The following SPPL2B variants were observed in gnomAD, a reference collection of about 807,000 sequenced individuals.
SPPL2B encodes the protein signal peptide peptidase like 2B.
A neutral mutation model predicts 59.7 loss-of-function variants in SPPL2B; 39 were observed. The ratio of observed to expected loss-of-function variants is 0.65; its 90% CI spans 0.51 to 0.85. The LOEUF (loss-of-function observed/expected upper bound fraction) is 0.85, where lower values mean the gene tolerates loss of function less well. SPPL2B is among the 40% of genes least tolerant of loss of function. The probability of loss-of-function intolerance (pLI) is 0.00; values close to 1 mark genes in which losing one functional copy is unlikely to be tolerated. For missense variants in SPPL2B, 865 were observed against 849.0 expected (o/e 1.02, Z -0.23); for synonymous variants, 419 against 370.8 (o/e 1.13, Z -1.49).
In SPPL2B at chr19:2,343,335, G is replaced by A. The variant is rs746236854; in HGVS notation, c.1038+43G>A. ...ACGGCTGCGGGGCAGCATGGGTAGT[G>A]GGGGCCCTTCATCCTAGCCTGGCCC... On this transcript the variant is annotated intron_variant, in intron 9 of 14. Coordinates refer to ENST00000613503, the MANE Select transcript of SPPL2B (RefSeq NM_152988.3). The A allele has an allele frequency of 2.6e-5, 38 of 1,481,706 alleles. 1 individual carries two copies. In the South Asian group the frequency reaches 4.4e-4, roughly 17 times the overall value. The allele number at this position is 1,481,706 out of a possible 1,614,324, so 91.8% of individuals were successfully genotyped here.
intron 7 of SPPL2B, 132 bp from the exon 8 acceptor site, chr19:2,340,766 G>A: frequency 3.3e-6 from 2 of 610,678 alleles, no homozygotes; most frequent in East Asian, 5.5e-5. Flanking sequence ...TGTGGGATGT[G>A]GAGTTTAATG....
At position 2,339,658 on chromosome 19, in the gene SPPL2B, TCC is replaced by T. The variant is rs1968892197; in HGVS notation, c.600-165_600-164del. 17 of 737,706 alleles carry T rather than the reference TCC, an allele frequency of 2.3e-5. No homozygotes were observed. The Middle Eastern group carries it at 1.4e-3, about 61-fold the overall frequency. 45.7% of individuals were successfully genotyped at this position (737,706 alleles called of 1,614,324 possible). On this transcript the variant is annotated intron_variant, in intron 5 of 14. Transcript: ENST00000613503. ...CCCTGCCACCCTCTGCTGTGTGGTC[TCC>T]TCTGCCCTGGGGACGTTCGGGGCGG...
chr19:2,334,244 G>A (rs890092370), intron 1 of SPPL2B, among the ~76,000 whole-genome samples: 1 of 152,228 alleles, frequency 6.6e-6, no homozygotes, highest in Non-Finnish European at 1.5e-5. Flanking sequence ...TCTGCCCGTG[G>A]CTCTGCCCGT....
intron 11 of SPPL2B, 28 bp from the exon 12 acceptor site, chr19:2,344,525 G>A: frequency 6.3e-7 from 1 of 1,599,872 alleles, no homozygotes; most frequent in East Asian, 2.2e-5. Context: ...GGGTCCTGGA[G>A]GACATTGTCC....
rs1427537459 is a variant in SPPL2B, at chr19:2,353,330, C to A, written c.*121C>A. The A allele has an allele frequency of 8.2e-6, 10 of 1,220,210 alleles. No individual in the cohort carries two copies. The Admixed American group carries it at 2.5e-4, about 31-fold the overall frequency. The allele number at this position is 1,220,210 out of a possible 1,614,324, so 75.6% of individuals were successfully genotyped here. A position where few individuals can be genotyped will look rare whatever the true frequency, so the allele number is the denominator to read the frequency against. ...GGGACCGAGGCCTGTGCCGTCCCCACCCGCCCCAACATGGTGCTCATCCTT... is the reference window on the plus strand; with the variant it reads ...GGGACCGAGGCCTGTGCCGTCCCCAACCGCCCCAACATGGTGCTCATCCTT... On this transcript the variant is annotated 3_prime_UTR_variant, in exon 15 of 15. Transcript: ENST00000613503.
rs369211000 is a variant in SPPL2B at position 2,337,487 on chromosome 19, C to T, written c.231C>T (p.Ser77=). 1.4e-4 allele frequency: 218 copies of T among 1,612,834 alleles called. No individual in the cohort carries two copies. The highest frequency in any genetic ancestry group is 4.9e-4 in the Middle Eastern group (3 of 6,082). The change falls in exon 3 of 15, where the codon TCC becomes TCT. Residue 77 remains serine, a synonymous_variant. Transcript: ENST00000613503. ...LRNWTASLLC[S]AADLPARGFS... The stretch of plus-strand genomic sequence containing the variant: ...ACTGGACGGCCTCCCTGCTCTGCTC[C>T]GCAGCCGACCTCCCCGCCCGTGGCT...
At chr19:2,347,761 C>A (rs77779573) in intron 13 of SPPL2B, among the ~76,000 whole-genome samples, 2,942 of 19,944 alleles carry the variant, frequency 0.15, 869 homozygotes, top group Non-Finnish European at 0.24. Context: ...CGTTCTCTCT[C>A]CACACACACA....
intron 14 of SPPL2B, 36 bp downstream of exon 14, chr19:2,351,630 C>A: frequency 6.3e-7 from 1 of 1,583,370 alleles, no homozygotes; most frequent in Non-Finnish European, 8.6e-7. Context: ...GAGAAATACT[C>A]GCCTAGTGAG....
Position 2,339,857 on chromosome 19 carries a change from C to T in SPPL2B, c.633C>T (p.Pro211=), listed in dbSNP as rs116249467. 20,279 of 1,605,064 alleles carry T rather than the reference C, an allele frequency of 0.013. 188 individuals carry two copies. The highest frequency in any genetic ancestry group is 0.047 in the Middle Eastern group (287 of 6,052). Residue 211 remains proline, a synonymous_variant, in exon 6 of 15, where the codon CCC becomes CCT. Transcript: ENST00000613503. The part of the protein sequence containing the change: ...RYMKHKRDDG[P]EKQEDEAVDV... Reference sequence around the variant, plus strand: ...TGAAGCACAAGCGCGACGATGGGCCCGAGAAGCAGGAGGACGAGGCGGTGG... The same window carrying T: ...TGAAGCACAAGCGCGACGATGGGCCTGAGAAGCAGGAGGACGAGGCGGTGG...
rs1482922705 is a variant in SPPL2B, at chr19:2,344,662, C to T, written c.1276+10C>T. 3 of 1,576,940 alleles carry T rather than the reference C, an allele frequency of 1.9e-6. No homozygotes were observed. The highest frequency in any genetic ancestry group is 1.1e-5 in the South Asian group (1 of 89,800). Reference sequence around the variant, plus strand: ...GACATTTTGGTGCCAGGTACTGAGGCGGGTGGAGCACACGGGTCCACGCTG... The same window carrying T: ...GACATTTTGGTGCCAGGTACTGAGGTGGGTGGAGCACACGGGTCCACGCTG... On this transcript the variant is annotated intron_variant, in intron 12 of 14. Coordinates refer to ENST00000613503, the MANE Select transcript of SPPL2B (RefSeq NM_152988.3).
At position 2,353,027 on chromosome 19, in the gene SPPL2B, C is replaced by T. The variant is rs1172795412; in HGVS notation, c.1597C>T (p.Pro533Ser). 1 of 1,612,020 alleles carries T rather than the reference C, an allele frequency of 6.2e-7. No homozygotes were observed. The highest frequency in any genetic ancestry group is 8.5e-7 in the Non-Finnish European group (1 of 1,179,694). ...CAAAGACTCTGCCACGCCACTCTCCCCGCAGCCGCCCAGCGAAGAACCAGC... is the reference window on the plus strand; with the variant it reads ...CAAAGACTCTGCCACGCCACTCTCCTCGCAGCCGCCCAGCGAAGAACCAGC... ...PPKDSATPLS[P>S]QPPSEEPATS... The change falls in exon 15 of 15, where the codon CCG becomes TCG. Residue 533 changes from proline (P) to serine (S), a missense_variant. By Grantham distance (74) the Pro-to-Ser change is moderately conservative. Transcript: ENST00000613503.
At chr19:2,347,170 C>CCA (rs1242938400) in intron 13 of SPPL2B, among the ~76,000 whole-genome samples, 2 of 148,352 alleles carry the variant, frequency 1.3e-5, no homozygotes, top group Non-Finnish European at 3.0e-5. Flanking sequence ...CGTTCTCTCT[C>CCA]CACACACACG....
intron 9 of SPPL2B, 22 bp from the exon 10 acceptor site, chr19:2,343,942 GC>G: frequency 6.5e-7 from 1 of 1,538,502 alleles, no homozygotes; most frequent in Non-Finnish European, 8.8e-7. Context: ...GGTGGGGGCC[GC>G]CCTCAGCCGT....
chr19:2,337,372 G>A, intron 2 of SPPL2B, 71 bp from the exon 3 acceptor site: 1 of 1,419,050 alleles, frequency 7.0e-7, no homozygotes, highest in Non-Finnish European at 9.6e-7. Context: ...GCTTCAGGTG[G>A]GAGAACGGGC....
chr19:2,331,607 G>A (rs1048224596), intron 1 of SPPL2B, among the ~76,000 whole-genome samples: 1 of 152,162 alleles, frequency 6.6e-6, no homozygotes, highest in Non-Finnish European at 1.5e-5. Flanking sequence ...GCGAATTGTG[G>A]AGAGGAAAAT....
intron 2 of SPPL2B, among the ~76,000 whole-genome samples, chr19:2,336,899 GT>G (rs1968671099): frequency 2.6e-5 from 2 of 78,036 alleles, no homozygotes; most frequent in Admixed American, 1.2e-4. Context: ...CTGGCTGTGG[GT>G]GTGTGTGTGT....
intron 14 of SPPL2B, 83 bp from the exon 15 acceptor site, chr19:2,352,863 C>CG: frequency 6.7e-7 from 1 of 1,485,476 alleles, no homozygotes; most frequent in Non-Finnish European, 9.2e-7. Flanking sequence ...CCGTGGCCTG[C>CG]GGGTGCTGGG....
At position 2,344,035 on chromosome 19, in the gene SPPL2B, C is replaced by G. The variant is rs1383854777; in HGVS notation, c.1109C>G (p.Thr370Ser). 1 of 1,546,670 alleles carries G rather than the reference C, an allele frequency of 6.5e-7. No individual in the cohort carries two copies. The highest frequency in any genetic ancestry group is 8.7e-7 in the Non-Finnish European group (1 of 1,145,514). Residue 370 changes from threonine to serine, a missense_variant, in exon 10 of 15, where the codon ACC (threonine) becomes AGC (serine). Thr to Ser is a moderately conservative substitution (Grantham distance 58, BLOSUM62 1). Coordinates refer to ENST00000613503, the MANE Select transcript of SPPL2B (RefSeq NM_152988.3). ...IFFVFITPFL[T>S]KSGSSIMVEV... is the part of the protein sequence containing the mutation. ...TTCGTGTTCATCACGCCCTTCCTGA[C>G]CAAGGTAGGCGACTGCCTGTCCCTG...
In SPPL2B at chr19:2,334,604, G is replaced by C; in HGVS notation, c.69G>C (p.Val23=). The stretch of plus-strand genomic sequence containing the variant: ...TGACTGCTGGCCTTGTCCTGCAGGT[G>C]GCCTGTGAGTACGGCATGGTGCACG... ...LAAFLLLAAQ[V]ACEYGMVHVV... Residue 23 remains valine, a splice_region_variant and synonymous_variant, in exon 2 of 15, where the codon GTG becomes GTC. Coordinates refer to ENST00000613503, the MANE Select transcript of SPPL2B (RefSeq NM_152988.3). 1 of 1,610,052 alleles carries C rather than the reference G, an allele frequency of 6.2e-7. No homozygotes were observed.
Sources: gnomAD v4.1 joint callset for allele counts (sites outside exome capture counted in the v4.1 genomes callset) on GRCh38, gnomAD v4.1.1 for gene constraint, MANE v1.5 for transcripts, NCBI Gene and HGNC (gene_info 2026-07-23, HGNC 2026-07-21) for gene names.